The following ADGRL2 variants were observed in gnomAD, a reference collection of about 807,000 sequenced individuals.
The protein encoded by ADGRL2 is adhesion G protein-coupled receptor L2.
A neutral mutation model predicts 157.4 loss-of-function variants in ADGRL2; 44 were observed. The ratio of observed to expected loss-of-function variants is 0.28; its 90% CI spans 0.22 to 0.36. The LOEUF (loss-of-function observed/expected upper bound fraction) is 0.36, where lower values mean the gene tolerates loss of function less well. ADGRL2 is among the 10% of genes least tolerant of loss of function. The pLI is 1.00. For missense variants in ADGRL2, 1,510 were observed against 1,768.9 expected (o/e 0.85, Z 2.63); for synonymous variants, 585 against 624.7 (o/e 0.94, Z 0.95).
intron 1 of ADGRL2, among the ~76,000 whole-genome samples, chr1:81,745,779 C>A (rs1357046152): frequency 6.6e-6 from 1 of 152,076 alleles, no homozygotes; most frequent in African/African-American, 2.4e-5. Flanking sequence ...ATTTTATTAG[C>A]GAGCTTGTAA....
At chr1:81,958,184 G>A (rs1337098484) in intron 11 of ADGRL2, among the ~76,000 whole-genome samples, 1 of 152,038 alleles carries the variant, frequency 6.6e-6, no homozygotes, top group Non-Finnish European at 1.5e-5. Flanking sequence ...TCGAACCTGG[G>A]AGGCAGAGCT....
chr1:81,896,347 C>A (rs942856014), intron 2 of ADGRL2, among the ~76,000 whole-genome samples: 1 of 151,904 alleles, frequency 6.6e-6, no homozygotes, highest in East Asian at 1.9e-4. Context: ...TCCTGTTTCC[C>A]TGTGAGGGTG....
chr1:81,571,508 C>T (rs1237566822), intron 2 of ADGRL2, among the ~76,000 whole-genome samples: 2 of 150,350 alleles, frequency 1.3e-5, no homozygotes, highest in African/African-American at 4.9e-5. Context: ...GAACAACTAT[C>T]TTGATTTCAC....
intron 1 of ADGRL2, among the ~76,000 whole-genome samples, chr1:81,832,379 G>T (rs1441365781): frequency 6.6e-6 from 1 of 152,062 alleles, no homozygotes; most frequent in Non-Finnish European, 1.5e-5. Context: ...TCCTGACCTC[G>T]TGATCCACCT....
intron 1 of ADGRL2, among the ~76,000 whole-genome samples, chr1:81,733,528 G>A (rs1049130257): frequency 6.6e-6 from 1 of 152,144 alleles, no homozygotes; most frequent in Non-Finnish European, 1.5e-5. Flanking sequence ...AAGGGTACCA[G>A]TCAGGTTAGA....
chr1:81,397,373 T>G (rs1429528336), intron 1 of ADGRL2, among the ~76,000 whole-genome samples: 1 of 132,436 alleles, frequency 7.6e-6, no homozygotes, highest in Non-Finnish European at 1.5e-5. Flanking sequence ...CAGGCTGGAG[T>G]GCAGCTGTGC....
chr1:81,788,583 T>C (rs1265570064), intron 2 of ADGRL2, among the ~76,000 whole-genome samples: 2 of 152,248 alleles, frequency 1.3e-5, no homozygotes, highest in African/African-American at 2.4e-5. Context: ...TATTCCTTTA[T>C]AGGAATGCAA....
At chr1:81,968,338 C>A in intron 14 of ADGRL2, 139 bp downstream of exon 14, 1 of 712,604 alleles carries the variant, frequency 1.4e-6, no homozygotes, top group Non-Finnish European at 2.3e-6. Flanking sequence ...TGTTTCTACA[C>A]TGTCCATAAA....
chr1:81,479,240 A>C (rs1024638747), intron 2 of ADGRL2, among the ~76,000 whole-genome samples: 1 of 151,780 alleles, frequency 6.6e-6, no homozygotes, highest in Admixed American at 6.6e-5. Flanking sequence ...TGGGAGGCCG[A>C]GATGGGTGGA....
At chr1:81,822,085 T>C (rs1443640265) in intron 1 of ADGRL2, among the ~76,000 whole-genome samples, 2 of 150,288 alleles carry the variant, frequency 1.3e-5, no homozygotes, top group Non-Finnish European at 3.0e-5. Context: ...TGGAATGTAT[T>C]AGTTTTTCGT....
intron 1 of ADGRL2, among the ~76,000 whole-genome samples, chr1:81,831,684 A>G (rs565006434): frequency 1.6e-4 from 25 of 152,238 alleles, no homozygotes; most frequent in Admixed American, 5.9e-4. Context: ...TACCTAGTTT[A>G]GCTGTAATTT....
chr1:81,540,183 A>T (rs2079848136), intron 2 of ADGRL2, among the ~76,000 whole-genome samples: 1 of 152,208 alleles, frequency 6.6e-6, no homozygotes, highest in Non-Finnish European at 1.5e-5. Flanking sequence ...CATCATTATG[A>T]CTAGACTAAA....
chr1:81,871,629 A>G (rs1215719488), intron 2 of ADGRL2, among the ~76,000 whole-genome samples: 1 of 152,126 alleles, frequency 6.6e-6, no homozygotes, highest in East Asian at 1.9e-4. Context: ...TCGCCATTCT[A>G]AGTGGTATGA....
At chr1:81,789,831 T>C (rs1226274891) in intron 2 of ADGRL2, among the ~76,000 whole-genome samples, 1 of 151,856 alleles carries the variant, frequency 6.6e-6, no homozygotes, top group Non-Finnish European at 1.5e-5. Context: ...TTTAAGATAA[T>C]ATTAATAAAA....
chr1:81,587,148 G>C (rs1242101255), intron 3 of ADGRL2, among the ~76,000 whole-genome samples: 1 of 152,048 alleles, frequency 6.6e-6, no homozygotes, highest in African/African-American at 2.4e-5. Context: ...TAAGAACAAT[G>C]CTAAGCCATA....
intron 1 of ADGRL2, among the ~76,000 whole-genome samples, chr1:81,442,233 G>A (rs2077520772): frequency 6.6e-6 from 1 of 152,152 alleles, no homozygotes; most frequent in Non-Finnish European, 1.5e-5. Flanking sequence ...GCTGTCAGTT[G>A]GAAAGCTATT....
chr1:81,787,656 A>T (rs1350646396), intron 2 of ADGRL2, among the ~76,000 whole-genome samples: 4 of 148,778 alleles, frequency 2.7e-5, no homozygotes, highest in African/African-American at 9.9e-5. Flanking sequence ...CACTTGTCTC[A>T]AAAAAAAAAG....
intron 3 of ADGRL2, among the ~76,000 whole-genome samples, chr1:81,686,394 C>G (rs1344387789): frequency 6.6e-6 from 1 of 152,084 alleles, no homozygotes; most frequent in Non-Finnish European, 1.5e-5. Flanking sequence ...ATTTACCCAT[C>G]TCTTCTAGAT....
chr1:81,557,497 G>GAAAGAAAGAAAGAA (rs1557459097), intron 2 of ADGRL2: 1 of 134,546 alleles, frequency 7.4e-6, no homozygotes, highest in Non-Finnish European at 1.6e-5. Flanking sequence ...AAGAAAGAAA[G>GAAAGAAAGAAAGAA]AAAGAAAGAA....
Sources: gnomAD v4.1 joint callset for allele counts (sites outside exome capture counted in the v4.1 genomes callset) on GRCh38, gnomAD v4.1.1 for gene constraint, MANE v1.5 for transcripts, NCBI Gene and HGNC (gene_info 2026-07-23, HGNC 2026-07-21) for gene names.